TXNL1: variants seen among roughly 807,000 people sequenced by gnomAD.
The protein encoded by TXNL1 is thioredoxin like 1.
TXNL1 carries 14 observed loss-of-function variants against 35.5 expected under a neutral mutation model. That is an observed-to-expected ratio of 0.39 (90% CI 0.26 to 0.62). The LOEUF (loss-of-function observed/expected upper bound fraction) is 0.62. Ranked by LOEUF, TXNL1 falls within the 20% of genes least tolerant of loss-of-function variation. TXNL1 has a pLI of 0.47. For missense variants in TXNL1, 263 were observed against 349.7 expected, an observed-to-expected ratio of 0.75 and a Z score of 1.98; for synonymous variants, 110 against 115.5, an observed-to-expected ratio of 0.95 and a Z score of 0.31.
At chr18:56,612,390 T>C (rs2144292692) in intron 6 of TXNL1, among the ~76,000 whole-genome samples, 1 of 152,244 alleles carries the variant, frequency 6.6e-6, no homozygotes, top group Non-Finnish European at 1.5e-5. Context: ...CCTCATTTTT[T>C]TTTTAAGCTT....
chr18:56,615,102 T>A (rs1170384860), intron 5 of TXNL1, among the ~76,000 whole-genome samples: 2 of 152,172 alleles, frequency 1.3e-5, no homozygotes, highest in African/African-American at 4.8e-5. Flanking sequence ...TAATAAAAAT[T>A]GCCAAATTTC....
chr18:56,614,283 T>G (rs1024191129), intron 6 of TXNL1, 141 bp downstream of exon 6: 7 of 670,302 alleles, frequency 1.0e-5, no homozygotes, highest in African/African-American at 3.7e-5. Context: ...AGAAGAAAAT[T>G]TATCCCATTA....
rs386387792 is a variant in TXNL1, at chr18:56,626,797, C to CTTTTTTTTT, written c.99-349_99-341dup. On this transcript the variant is annotated intron_variant, in intron 1 of 7. Coordinates refer to ENST00000217515, the MANE Select transcript of TXNL1 (RefSeq NM_004786.3). ...TACAGGCGTGAGCCACCAAGCCGGT[C>CTTTTTTTTT]TTTTTTTTTTTTTTTTTTTTTTTTG... Among the ~76,000 whole-genome samples, 473 of 55,010 alleles carry CTTTTTTTTT rather than the reference C, an allele frequency of 8.6e-3. 90 individuals are homozygous for CTTTTTTTTT. Among genetic ancestry groups the CTTTTTTTTT allele is most frequent in the East Asian group, 0.011 (17 of 1,512 alleles). 36.1% of individuals were successfully genotyped at this position (55,010 alleles called of 152,430 possible).
At chr18:56,618,232 T>C in intron 3 of TXNL1, 106 bp from the exon 4 acceptor site, 1 of 1,210,354 alleles carries the variant, frequency 8.3e-7, no homozygotes, top group Non-Finnish European at 1.1e-6. Flanking sequence ...AAGAAAACAC[T>C]TTTAAAACAG....
intron 1 of TXNL1, among the ~76,000 whole-genome samples, chr18:56,637,997 G>C (rs895154031): frequency 1.3e-5 from 2 of 152,228 alleles, no homozygotes; most frequent in Admixed American, 1.3e-4. Flanking sequence ...GCAGAAAGAA[G>C]GGGTCAGGCT....
chr18:56,624,435 T>C lies in TXNL1; in HGVS notation c.222A>G (p.Ser74=). 5 of 1,613,404 alleles carry C rather than the reference T, an allele frequency of 3.1e-6. No individual in the cohort carries two copies. The highest frequency in any genetic ancestry group is 4.2e-6 in the Non-Finnish European group (5 of 1,179,498). The change falls in exon 3 of 8, where the codon TCA becomes TCG. Residue 74 remains serine (S), a synonymous_variant. Transcript: ENST00000217515. ...CQGTAATNNI[S]ATPTFLFFRN... is the part of the protein sequence containing the mutation. The stretch of plus-strand genomic sequence containing the variant: ...GAAAAAACAAAAATGTAGGTGTTGC[T>C]GATATATTGTTGGTGGCAGCTGTTC...
In TXNL1 at chr18:56,614,378, G is replaced by C. The variant is rs1477674343; in HGVS notation, c.735+46C>G. 4 of 1,535,360 alleles carry C rather than the reference G, an allele frequency of 2.6e-6. No individual in the cohort carries two copies. In the Admixed American group the frequency reaches 7.2e-5, roughly 28 times the overall value. On this transcript the variant is annotated intron_variant, in intron 6 of 7. Transcript: ENST00000217515. ...TACCTAGGATACTGAAAATAGTATTGTTACTCACAAACCTATTAAATACAT... is the reference window on the plus strand; with the variant it reads ...TACCTAGGATACTGAAAATAGTATTCTTACTCACAAACCTATTAAATACAT...
At chr18:56,620,458 T>G (rs897523179) in intron 3 of TXNL1, among the ~76,000 whole-genome samples, 6 of 152,360 alleles carry the variant, frequency 3.9e-5, no homozygotes, top group Admixed American at 2.6e-4. Context: ...ACAGTAACAG[T>G]AGATTACCTG....
intron 5 of TXNL1, among the ~76,000 whole-genome samples, chr18:56,614,839 G>C (rs1319422839): frequency 1.3e-5 from 2 of 152,100 alleles, no homozygotes; most frequent in African/African-American, 2.4e-5. Context: ...AGGAATATAA[G>C]ATTTAAACAG....
intron 1 of TXNL1, among the ~76,000 whole-genome samples, chr18:56,628,699 TTTTG>T (rs1163355796): frequency 6.6e-6 from 1 of 152,230 alleles, no homozygotes; most frequent in Admixed American, 6.5e-5. Flanking sequence ...GCTAGCAATG[TTTTG>T]TTTGTCTGGA....
At chr18:56,612,619 C>T (rs1006149559) in intron 6 of TXNL1, among the ~76,000 whole-genome samples, 4 of 152,124 alleles carry the variant, frequency 2.6e-5, no homozygotes, top group African/African-American at 7.2e-5. Context: ...AGTGATGCCC[C>T]TGCCTAAGCC....
chr18:56,610,153 T>C (rs1223694918), intron 7 of TXNL1: 1 of 152,220 alleles, frequency 6.6e-6, no homozygotes, highest in Non-Finnish European at 1.5e-5. Context: ...CCTCAAGTTC[T>C]AGACTGCCTG....
intron 3 of TXNL1, among the ~76,000 whole-genome samples, chr18:56,622,633 T>G (rs1394060986): frequency 1.3e-5 from 2 of 152,194 alleles, no homozygotes; most frequent in Non-Finnish European, 2.9e-5. Context: ...TAAAACTTCA[T>G]TTTTTCCTAT....
chr18:56,621,494 C>A (rs1026121008), intron 3 of TXNL1, among the ~76,000 whole-genome samples: 5 of 152,032 alleles, frequency 3.3e-5, no homozygotes, highest in Admixed American at 2.6e-4. Flanking sequence ...ACACGCCCAG[C>A]CCACAAAACA....
intron 3 of TXNL1, among the ~76,000 whole-genome samples, chr18:56,618,489 C>T (rs747256519): frequency 6.6e-5 from 10 of 152,136 alleles, no homozygotes; most frequent in Non-Finnish European, 1.3e-4. Context: ...CTCTTTATAT[C>T]TATGAAGATG....
In TXNL1 at chr18:56,633,852, C is replaced by T. The variant is rs893911962; in HGVS notation, c.98+4491G>A. 8.6e-5 allele frequency among the ~76,000 whole-genome samples: 13 copies of T among 151,508 alleles called. 1 individual carries two copies. The highest frequency in any genetic ancestry group is 3.2e-4 in the African/African-American group (13 of 41,170). ...TACAAAAATTAGCCATGTGTGGTGGCGCATACCTGTAATCCCAGCTCCTCA... is the reference window on the plus strand; with the variant it reads ...TACAAAAATTAGCCATGTGTGGTGGTGCATACCTGTAATCCCAGCTCCTCA... On this transcript the variant is annotated intron_variant, in intron 1 of 7. Transcript: ENST00000217515.
intron 3 of TXNL1, among the ~76,000 whole-genome samples, chr18:56,622,010 C>CAA (rs373833617): frequency 4.5e-4 from 33 of 73,098 alleles, no homozygotes; most frequent in Admixed American, 6.3e-4. Context: ...AACTCCATCT[C>CAA]AAAAAAAAAA....
At chr18:56,637,924 G>C (rs1329621458) in intron 1 of TXNL1, among the ~76,000 whole-genome samples, 3 of 152,228 alleles carry the variant, frequency 2.0e-5, no homozygotes, top group African/African-American at 7.2e-5. Flanking sequence ...GTGGTGAAGA[G>C]AAACAAAGTG....
At position 56,598,606 on chromosome 18, in the gene TXNL1, G is replaced by T; in HGVS notation, c.*4421C>A. ...CCCCATAAAGAAAAGAGAACCAGCGGCCATGTGGGGGATACATGAGAGAGG... is the reference window on the plus strand; with the variant it reads ...CCCCATAAAGAAAAGAGAACCAGCGTCCATGTGGGGGATACATGAGAGAGG... On this transcript the variant is annotated 3_prime_UTR_variant, in exon 8 of 8. Transcript: ENST00000217515. The T allele has an allele frequency of 6.6e-6, 1 of 152,618 alleles. No homozygotes were observed. Among genetic ancestry groups the T allele is most frequent in the Non-Finnish European group, 1.5e-5 (1 of 68,322 alleles). The allele number at this position is 152,618 out of a possible 1,614,324, so 9.5% of individuals were successfully genotyped here. A position where few individuals can be genotyped will look rare whatever the true frequency, so the allele number is the denominator to read the frequency against.
Sources: gnomAD v4.1 joint callset for allele counts (sites outside exome capture counted in the v4.1 genomes callset) on GRCh38, gnomAD v4.1.1 for gene constraint, MANE v1.5 for transcripts, NCBI Gene and HGNC (gene_info 2026-07-23, HGNC 2026-07-21) for gene names.